The following BRSK2 variants were observed in gnomAD, a reference collection of about 807,000 sequenced individuals.
BRSK2 encodes BR serine/threonine kinase 2, also known as serine/threonine-protein kinase BRSK2.
BRSK2 carries 19 observed loss-of-function variants against 83.3 expected under a neutral mutation model. The ratio of observed to expected loss-of-function variants is 0.23; its 90% CI spans 0.16 to 0.33. BRSK2 has a LOEUF of 0.33. BRSK2 is among the 10% of genes least tolerant of loss of function. BRSK2 has a pLI of 1.00. For missense variants in BRSK2, 798 were observed against 1,042.3 expected (o/e 0.77, Z 3.23); for synonymous variants, 519 against 435.4 (o/e 1.19, Z -2.39).
chr11:1,462,049 CCA>C lies in BRSK2; in HGVS notation c.*1333_*1334del, dbSNP rs1847562847. ...GAGGAGGGCCCTCAGCTGGCCCTCC[CCA>C]CACACAGGACGGCAGGGGCACTGTG... On this transcript the variant is annotated 3_prime_UTR_variant, in exon 20 of 20. Coordinates refer to ENST00000528841, the MANE Select transcript of BRSK2 (RefSeq NM_001256627.2). 6.6e-6 allele frequency: 1 copy of C among 152,104 alleles called. No homozygotes were observed. The highest frequency in any genetic ancestry group is 2.4e-5 in the African/African-American group (1 of 41,416). The allele number at this position is 152,104 out of a possible 1,614,324, so 9.4% of individuals were successfully genotyped here.
intron 1 of BRSK2, among the ~76,000 whole-genome samples, chr11:1,421,889 C>T (rs988957954): frequency 6.7e-6 from 1 of 149,698 alleles, no homozygotes; most frequent in Non-Finnish European, 1.5e-5. Context: ...GCAAACCTGC[C>T]GGCCCAGCAC....
At chr11:1,408,006 C>A (rs1257295323) in intron 1 of BRSK2, among the ~76,000 whole-genome samples, 1 of 152,370 alleles carries the variant, frequency 6.6e-6, no homozygotes, top group Admixed American at 6.5e-5. Context: ...TGCCTGGGCA[C>A]CTCCTCCATC....
chr11:1,446,091 A>T (rs373390805), intron 12 of BRSK2, among the ~76,000 whole-genome samples, 184 bp downstream of exon 12: 1 of 89,592 alleles, frequency 1.1e-5, no homozygotes, highest in Admixed American at 1.1e-4. Context: ...GGCTGGGCTT[A>T]GCTGGGCTGG....
In BRSK2 at chr11:1,408,754, CCTGTGCAGGGGTGTGTGTGTGTGTTTGG is replaced by C. The variant is rs1259181043; in HGVS notation, c.91+18387_91+18414del. On this transcript the variant is annotated intron_variant, in intron 1 of 19. Coordinates refer to ENST00000528841, the MANE Select transcript of BRSK2 (RefSeq NM_001256627.2). Reference sequence around the variant, plus strand: ...GCAGGGGTATGTGTGTGCACGTCTGCCTGTGCAGGGGTGTGTGTGTGTGTTTGGCTGTGCAAGGGTGTGTGTTTGCCTG... The same window carrying C: ...GCAGGGGTATGTGTGTGCACGTCTGCCTGTGCAAGGGTGTGTGTTTGCCTG... Among the ~76,000 whole-genome samples, 24 of 139,948 alleles carry C rather than the reference CCTGTGCAGGGGTGTGTGTGTGTGTTTGG, an allele frequency of 1.7e-4. 1 individual carries two copies. Among genetic ancestry groups the C allele is most frequent in the Non-Finnish European group, 1.6e-4 (10 of 64,478 alleles). 91.8% of individuals were successfully genotyped at this position (139,948 alleles called of 152,430 possible). A position where few individuals can be genotyped will look rare whatever the true frequency, so the allele number is the denominator to read the frequency against.
intron 1 of BRSK2, among the ~76,000 whole-genome samples, chr11:1,405,867 G>T (rs1363767300): frequency 6.6e-6 from 1 of 152,082 alleles, no homozygotes; most frequent in Non-Finnish European, 1.5e-5. Context: ...GGCCCCGCAG[G>T]CCCCACACCC....
chr11:1,456,271 GC>G, intron 16 of BRSK2, 76 bp from the exon 17 acceptor site: 1 of 1,405,140 alleles, frequency 7.1e-7, no homozygotes. Context: ...GGGCTGGCTC[GC>G]CCCAGGGCTG....
chr11:1,399,830 C>G (rs911816330), intron 1 of BRSK2, among the ~76,000 whole-genome samples: 1 of 152,116 alleles, frequency 6.6e-6, no homozygotes, highest in Non-Finnish European at 1.5e-5. Flanking sequence ...TGGGGTGTGT[C>G]GTGGCTGAAC....
intron 1 of BRSK2, among the ~76,000 whole-genome samples, chr11:1,420,000 A>G (rs1307848392): frequency 1.3e-5 from 2 of 152,178 alleles, no homozygotes; most frequent in Non-Finnish European, 2.9e-5. Flanking sequence ...GCCTCCTCCC[A>G]CACCCGGGCA....
intron 12 of BRSK2, 47 bp from the exon 13 acceptor site, chr11:1,449,729 C>A: frequency 1.3e-6 from 2 of 1,553,886 alleles, no homozygotes; most frequent in Non-Finnish European, 1.8e-6. Context: ...ACCTGCTGCT[C>A]CACTGCCCCC....
In BRSK2 at chr11:1,445,601, C is replaced by T; in HGVS notation, c.1008C>T (p.Leu336=). Residue 336 remains leucine (L), a synonymous_variant, in exon 11 of 20, where the codon CTC becomes CTT. Coordinates refer to ENST00000528841, the MANE Select transcript of BRSK2 (RefSeq NM_001256627.2). ...ACCAGGAGAAGATGATTTACTTCCT[C>T]CTCCTGGACCGGAAAGAAAGGTACC... The part of the protein sequence containing the change: ...EENQEKMIYF[L]LLDRKERYPS... The T allele has an allele frequency of 6.4e-7, 1 of 1,572,818 alleles. No individual in the cohort carries two copies. Among genetic ancestry groups the T allele is most frequent in the African/African-American group, 1.4e-5 (1 of 74,050 alleles).
intron 1 of BRSK2, among the ~76,000 whole-genome samples, chr11:1,413,462 C>T (rs1223655449): frequency 6.6e-6 from 1 of 152,150 alleles, no homozygotes; most frequent in Admixed American, 6.5e-5. Context: ...AGGGCCCTGG[C>T]AGTGGTATCT....
At position 1,451,356 on chromosome 11, in the gene BRSK2, A is replaced by G; in HGVS notation, c.1496-15A>G. On this transcript the variant is annotated splice_polypyrimidine_tract_variant and intron_variant, in intron 14 of 19. Transcript: ENST00000528841. ...GGTCACCACGCCTTTCCTCCTGTTCATCCTGTGTGCACAGTTCCGACGCCG... is the reference window on the plus strand; with the variant it reads ...GGTCACCACGCCTTTCCTCCTGTTCGTCCTGTGTGCACAGTTCCGACGCCG... 6.2e-7 allele frequency: 1 copy of G among 1,612,870 alleles called. No individual in the cohort carries two copies. The highest frequency in any genetic ancestry group is 1.1e-5 in the South Asian group (1 of 91,084).
chr11:1,449,693 T>G, intron 12 of BRSK2, 83 bp from the exon 13 acceptor site: 1 of 1,262,772 alleles, frequency 7.9e-7, no homozygotes, highest in Non-Finnish European at 1.1e-6. Context: ...TCCTGGAGGG[T>G]TTACCTGGGG....
rs576539978 is a variant in BRSK2 at position 1,443,634 on chromosome 11, C to T, written c.779C>T (p.Thr260Met). The T allele has an allele frequency of 1.9e-6, 3 of 1,595,722 alleles. No individual in the cohort carries two copies. The highest frequency in any genetic ancestry group is 2.6e-6 in the Non-Finnish European group (3 of 1,170,812). The change falls in exon 8 of 20, where the codon ACG becomes ATG. Residue 260 changes from threonine to methionine, a missense_variant and splice_region_variant. Around this residue, in one of 6 missense-constraint regions of BRSK2, gnomAD observed 145 missense variants for 225.4 expected, o/e 0.64. Transcript: ENST00000528841. ...MIEVDAARRLTLEHIQKHIWY... is the reference protein window; with the variant it reads ...MIEVDAARRLMLEHIQKHIWY... ...GAGGTGGACGCCGCACGCCGCCTCA[C>T]GGTGCGTGCCCTCGGAGCGGGGCGG... is the stretch of plus-strand genomic sequence containing the variant.
intron 1 of BRSK2, among the ~76,000 whole-genome samples, chr11:1,415,318 TCTC>T (rs2134150846): frequency 6.6e-6 from 1 of 152,224 alleles, no homozygotes. Flanking sequence ...ATGGTCTTGA[TCTC>T]CTGACCTCAT....
intron 16 of BRSK2, among the ~76,000 whole-genome samples, chr11:1,456,081 A>G (rs1160169030): frequency 6.6e-6 from 1 of 152,110 alleles, no homozygotes; most frequent in Non-Finnish European, 1.5e-5. Flanking sequence ...GGTCCTGGTC[A>G]TCCTGTGCTG....
At chr11:1,433,740 AT>A (rs1213358463) in intron 1 of BRSK2, among the ~76,000 whole-genome samples, 1 of 152,238 alleles carries the variant, frequency 6.6e-6, no homozygotes, top group African/African-American at 2.4e-5. Flanking sequence ...GGCTGAGCGA[AT>A]CACAAGCCTT....
intron 1 of BRSK2, among the ~76,000 whole-genome samples, chr11:1,413,165 C>T (rs539720117): frequency 1.3e-5 from 2 of 152,272 alleles, no homozygotes; most frequent in East Asian, 3.9e-4. Flanking sequence ...CTGGAGCCAG[C>T]CAGATGTCCA....
intron 1 of BRSK2, among the ~76,000 whole-genome samples, chr11:1,435,673 C>T (rs915217178): frequency 3.4e-5 from 5 of 146,010 alleles, no homozygotes; most frequent in East Asian, 2.0e-4. Flanking sequence ...GCAGGGTGTG[C>T]GGGGGACAGC....
Sources: allele counts gnomAD v4.1 joint callset (sites outside exome capture counted in the v4.1 genomes callset), GRCh38; gene constraint gnomAD v4.1.1; regional missense constraint gnomAD v4.1.1; transcripts MANE v1.5; gene names NCBI Gene and HGNC (gene_info 2026-07-23, HGNC 2026-07-21).